NBEAL1: variants seen among roughly 807,000 people sequenced by gnomAD.
The protein encoded by NBEAL1 is neurobeachin-like protein 1.
A neutral mutation model predicts 351.3 loss-of-function variants in NBEAL1; 273 were observed. That is an observed-to-expected ratio of 0.78 (90% CI 0.70 to 0.86). The LOEUF is 0.86. Ranked by LOEUF, NBEAL1 falls within the 40% of genes least tolerant of loss-of-function variation. NBEAL1 has a pLI of 0.00. For synonymous variants in NBEAL1, 1,050 were observed against 1,086.4 expected, an observed-to-expected ratio of 0.97 and a Z score of 0.66; for missense variants, 2,961 against 3,201.3, an observed-to-expected ratio of 0.92 and a Z score of 1.81.
At position 203,136,699 on chromosome 2, in the gene NBEAL1, G is replaced by A; in HGVS notation, c.4490G>A (p.Gly1497Glu). 6.2e-7 allele frequency: 1 copy of A among 1,613,674 alleles called. No individual in the cohort carries two copies. The change falls in exon 29 of 56, where the codon GGA (glycine) becomes GAA (glutamate). Residue 1497 changes from glycine to glutamate, a missense_variant. Gly to Glu is a moderately conservative substitution (Grantham distance 98). Coordinates refer to ENST00000683969, the MANE Select transcript of NBEAL1 (RefSeq NM_001378026.1). Reference sequence around the variant, plus strand: ...GATGATGATACTTGGATTGAACGAGGACAAGTGTTTTCAGCACTAAGTAAA... The same window carrying A: ...GATGATGATACTTGGATTGAACGAGAACAAGTGTTTTCAGCACTAAGTAAA... Reference protein sequence around the residue: ...KSDDDTWIERGQVFSALSKPG... With the variant: ...KSDDDTWIEREQVFSALSKPG...
chr2:203,107,889 G>A lies in NBEAL1; in HGVS notation c.1650G>A (p.Gln550=), dbSNP rs1372760274. The change falls in exon 14 of 56, where the codon CAG becomes CAA. Residue 550 remains glutamine (Q), a synonymous_variant. Coordinates refer to ENST00000683969, the MANE Select transcript of NBEAL1 (RefSeq NM_001378026.1). The part of the protein sequence containing the change: ...LIAIHGSLGS[Q]SVSSEEIRRL... ...CAATCCATGGTTCCTTGGGGAGTCAGTCAGTGAGCTCAGAAGAAATCCGTC... is the reference window on the plus strand; with the variant it reads ...CAATCCATGGTTCCTTGGGGAGTCAATCAGTGAGCTCAGAAGAAATCCGTC... 1.3e-6 allele frequency: 2 copies of A among 1,553,986 alleles called. No individual in the cohort carries two copies. Among genetic ancestry groups the A allele is most frequent in the Non-Finnish European group, 1.7e-6 (2 of 1,147,648 alleles).
chr2:203,116,550 C>T (rs11682568), intron 18 of NBEAL1, among the ~76,000 whole-genome samples: 7,920 of 150,678 alleles, frequency 0.053, 289 homozygotes, highest in Non-Finnish European at 0.082. Context: ...CCAGGTGGAT[C>T]GTTTGAGGCC....
In NBEAL1 at chr2:203,113,261, G is replaced by A. The variant is rs1368324989; in HGVS notation, c.2449G>A (p.Val817Ile). The A allele has an allele frequency of 2.0e-6, 3 of 1,490,360 alleles. No homozygotes were observed. The highest frequency in any genetic ancestry group is 2.5e-5 in the East Asian group (1 of 39,936). 92.3% of individuals were successfully genotyped at this position (1,490,360 alleles called of 1,614,324 possible). A position where few individuals can be genotyped will look rare whatever the true frequency, so the allele number is the denominator to read the frequency against. The part of the protein sequence containing the change: ...PTSLEGQLGS[V>I]IIFYEPLQPP... ...ATCTCTGGAGGGTCAGCTAGGATCTGTTATCATCTTTTATGAACCACTACA... is the reference window on the plus strand; with the variant it reads ...ATCTCTGGAGGGTCAGCTAGGATCTATTATCATCTTTTATGAACCACTACA... Residue 817 changes from valine to isoleucine, a missense_variant, in exon 17 of 56, where the codon GTT (valine) becomes ATT (isoleucine). Coordinates refer to ENST00000683969, the MANE Select transcript of NBEAL1 (RefSeq NM_001378026.1).
intron 10 of NBEAL1, among the ~76,000 whole-genome samples, chr2:203,097,054 A>T (rs2062200607): frequency 6.6e-6 from 1 of 152,220 alleles, no homozygotes; most frequent in Admixed American, 6.5e-5. Context: ...TGGAAGGTGA[A>T]TGACACGTCT....
intron 10 of NBEAL1, among the ~76,000 whole-genome samples, chr2:203,087,838 T>C (rs1277910868): frequency 1.3e-5 from 2 of 152,178 alleles, no homozygotes; most frequent in Non-Finnish European, 2.9e-5. Flanking sequence ...CTGACTTTAA[T>C]TTCTTCTCTC....
At chr2:203,066,355 G>A (rs1166513463) in intron 6 of NBEAL1, among the ~76,000 whole-genome samples, 11 of 144,840 alleles carry the variant, frequency 7.6e-5, no homozygotes. Context: ...TTAAACCTGA[G>A]TTGACACAGC....
chr2:203,058,620 G>A (rs1449399874), intron 6 of NBEAL1, among the ~76,000 whole-genome samples: 1 of 152,148 alleles, frequency 6.6e-6, no homozygotes, highest in African/African-American at 2.4e-5. Context: ...GCTGAAGACA[G>A]GAACCAACTG....
In NBEAL1 at chr2:203,144,785, G is replaced by A. The variant is rs2063466969; in HGVS notation, c.5034G>A (p.Glu1678=). 2 of 1,614,074 alleles carry A rather than the reference G, an allele frequency of 1.2e-6. No homozygotes were observed. The highest frequency in any genetic ancestry group is 2.2e-5 in the South Asian group (2 of 91,088). ...LVRTLVSKIY[E]LLFMNLHLPS... Reference sequence around the variant, plus strand: ...GTACCCTGGTTTCCAAAATTTATGAGCTTCTCTTCATGAACTTGCACCTAC... The same window carrying A: ...GTACCCTGGTTTCCAAAATTTATGAACTTCTCTTCATGAACTTGCACCTAC... Residue 1678 remains glutamate (E), a synonymous_variant, in exon 32 of 56, where the codon GAG becomes GAA. Coordinates refer to ENST00000683969, the MANE Select transcript of NBEAL1 (RefSeq NM_001378026.1).
At chr2:203,042,276 T>G (rs888165655) in intron 3 of NBEAL1, among the ~76,000 whole-genome samples, 10 of 152,238 alleles carry the variant, frequency 6.6e-5, no homozygotes, top group Admixed American at 5.9e-4. Flanking sequence ...CTCACTACAC[T>G]GACTTGAAAA....
intron 2 of NBEAL1, among the ~76,000 whole-genome samples, chr2:203,034,681 T>C (rs1336093444): frequency 2.0e-5 from 3 of 148,534 alleles, no homozygotes; most frequent in Non-Finnish European, 3.0e-5. Context: ...CTTGAACTCC[T>C]GATCTCAGGT....
chr2:203,199,204 G>T, intron 48 of NBEAL1, 134 bp from the exon 49 acceptor site: 1 of 532,680 alleles, frequency 1.9e-6, no homozygotes. Flanking sequence ...TGCTTAATGA[G>T]TTTCAGGTTT....
At chr2:203,098,560 G>A (rs1386507591) in intron 11 of NBEAL1, among the ~76,000 whole-genome samples, 1 of 152,066 alleles carries the variant, frequency 6.6e-6, no homozygotes, top group African/African-American at 2.4e-5. Flanking sequence ...TGATATAACA[G>A]TCATGTTCAG....
intron 39 of NBEAL1, among the ~76,000 whole-genome samples, chr2:203,171,300 A>G (rs995259240): frequency 1.4e-5 from 2 of 141,612 alleles, no homozygotes; most frequent in Admixed American, 1.4e-4. Context: ...AATAAAATAA[A>G]ATGTGAAATT....
intron 10 of NBEAL1, among the ~76,000 whole-genome samples, chr2:203,091,876 A>G (rs1453924081): frequency 1.3e-5 from 2 of 152,146 alleles, no homozygotes; most frequent in Non-Finnish European, 1.5e-5. Flanking sequence ...CATTAACACT[A>G]GTGTGAGCAT....
chr2:203,193,226 C>T (rs939058198), intron 46 of NBEAL1, among the ~76,000 whole-genome samples: 1 of 152,062 alleles, frequency 6.6e-6, no homozygotes, highest in African/African-American at 2.4e-5. Flanking sequence ...CCCACCTCAG[C>T]CTCCCGAAGT....
Position 203,125,436 on chromosome 2 carries a change from G to A in NBEAL1, c.2767G>A (p.Glu923Lys). 1.3e-6 allele frequency: 2 copies of A among 1,547,312 alleles called. No individual in the cohort carries two copies. The highest frequency in any genetic ancestry group is 1.7e-6 in the Non-Finnish European group (2 of 1,145,098). ...ISHFSEGQIPEEKNESTVPES... is the reference protein window; with the variant it reads ...ISHFSEGQIPKEKNESTVPES... ...CCACTTTAGTGAAGGACAGATTCCTGAAGAAAAGAATGAAAGCACAGTTCC... is the reference window on the plus strand; with the variant it reads ...CCACTTTAGTGAAGGACAGATTCCTAAAGAAAAGAATGAAAGCACAGTTCC... Residue 923 changes from glutamate to lysine, a missense_variant, in exon 20 of 56, where the codon GAA becomes AAA. Physicochemically the swap from Glu to Lys is moderately conservative, Grantham distance 56. Transcript: ENST00000683969.
At position 203,107,741 on chromosome 2, in the gene NBEAL1, G is replaced by T. The variant is rs1250367313; in HGVS notation, c.1502G>T (p.Arg501Ile). ...ATCTTCATCTCTGATTGGCTGAAAA[G>T]AATTTGTTGTATTAATAGACAGAGT... ...LQIFISDWLK[R>I]ICCINRQSRT... Residue 501 changes from arginine to isoleucine, a missense_variant, in exon 14 of 56, where the codon AGA (arginine) becomes ATA (isoleucine). By Grantham distance (97) the Arg-to-Ile change is moderately conservative. Coordinates refer to ENST00000683969, the MANE Select transcript of NBEAL1 (RefSeq NM_001378026.1). 3 of 1,553,910 alleles carry T rather than the reference G, an allele frequency of 1.9e-6. No individual in the cohort carries two copies. The highest frequency in any genetic ancestry group is 1.2e-5 in the South Asian group (1 of 84,222).
intron 22 of NBEAL1, 25 bp from the exon 23 acceptor site, chr2:203,126,799 C>T (rs998464494): frequency 1.9e-6 from 3 of 1,539,508 alleles, no homozygotes; most frequent in Non-Finnish European, 8.8e-7. Context: ...AGCTGAATTA[C>T]TTACCATTGA....
chr2:203,173,884 G>GGA (rs1245357480), intron 41 of NBEAL1, among the ~76,000 whole-genome samples: 2 of 151,964 alleles, frequency 1.3e-5, no homozygotes, highest in Non-Finnish European at 2.9e-5. Flanking sequence ...ATTGGCCTCA[G>GGA]CTTAATGAAC....
Sources: allele counts gnomAD v4.1 joint callset (sites outside exome capture counted in the v4.1 genomes callset), GRCh38; gene constraint gnomAD v4.1.1; transcripts MANE v1.5; gene names NCBI Gene and HGNC (gene_info 2026-07-23, HGNC 2026-07-21).